TIMM17A: variants seen among roughly 807,000 people sequenced by gnomAD.
TIMM17A encodes the protein translocase of inner mitochondrial membrane 17A.
In TIMM17A, 15 loss-of-function variants were observed where a neutral mutation model predicts 26.5. That is an observed-to-expected ratio of 0.57 (90% CI 0.38 to 0.87). The LOEUF (loss-of-function observed/expected upper bound fraction) is 0.87. Among genes scored for constraint, TIMM17A ranks in the 40% least tolerant of loss-of-function variants. The probability of loss-of-function intolerance (pLI) is 0.00; values close to 1 mark genes in which losing one functional copy is unlikely to be tolerated. For synonymous variants in TIMM17A, 80 were observed against 70.8 expected, an observed-to-expected ratio of 1.13 and a Z score of -0.66; for missense variants, 201 against 210.0, an observed-to-expected ratio of 0.96 and a Z score of 0.27.
At chr1:201,966,991 T>TG (rs1491350132) in intron 5 of TIMM17A, among the ~76,000 whole-genome samples, 80 of 133,100 alleles carry the variant, frequency 6.0e-4, no homozygotes, top group Middle Eastern at 3.8e-3. Context: ...ATTATATATG[T>TG]TGTGTGTGTG....
rs549171710 is a variant in TIMM17A, at chr1:201,965,941, T to C, written c.430+398T>C. Among the ~76,000 whole-genome samples, 61 of 152,348 alleles carry C rather than the reference T, an allele frequency of 4.0e-4. 1 individual carries two copies. In the South Asian group the frequency reaches 0.012, roughly 30 times the overall value. On this transcript the variant is annotated intron_variant, in intron 5 of 5. Transcript: ENST00000367287. ...CAGTTCCTGCCCTCAAGGACTTACA[T>C]TCTGGTAGGGGGAGACAGACTAACA...
In TIMM17A at chr1:201,957,370, A is replaced by G. The variant is rs768658477; in HGVS notation, c.116A>G (p.Asn39Ser). Reference protein sequence around the residue: ...GIFQAIKGFRNSPVGVNHRLR... With the variant: ...GIFQAIKGFRSSPVGVNHRLR... ...TTTCAAGCAATCAAAGGTTTTCGCA[A>G]TTCTCCAGTGGTAAGTGGGTGAATG... The change falls in exon 2 of 6, where the codon AAT becomes AGT. Residue 39 changes from asparagine to serine, a missense_variant. Coordinates refer to ENST00000367287, the MANE Select transcript of TIMM17A (RefSeq NM_006335.3). 1.3e-5 allele frequency: 21 copies of G among 1,613,340 alleles called. No individual in the cohort carries two copies. Among genetic ancestry groups the G allele is most frequent in the East Asian group, 1.1e-4 (5 of 44,896 alleles).
In TIMM17A at chr1:201,955,589, C is replaced by T. The variant is rs115324519; in HGVS notation, c.26+37C>T. On this transcript the variant is annotated intron_variant, in intron 1 of 5. Coordinates refer to ENST00000367287, the MANE Select transcript of TIMM17A (RefSeq NM_006335.3). ...CGCTGTCTTTGCATTTCTCTTGCCC[C>T]CCTGCCCACTGCCCTCCTTCTCCCT... 2,664 of 1,614,102 alleles carry T rather than the reference C, an allele frequency of 1.7e-3. 50 individuals are homozygous for T. The African/African-American group carries it at 0.032, about 19-fold the overall frequency.
In TIMM17A at chr1:201,969,866, T is replaced by C. The variant is rs906769268; in HGVS notation, c.*312T>C. ...AAAAAACAGTGAAATATGATCATCA[T>C]CTCCTTGCGGACTTCTCTGCCTGGT... On this transcript the variant is annotated 3_prime_UTR_variant, in exon 6 of 6. Transcript: ENST00000367287. 1.8e-4 allele frequency: 39 copies of C among 215,684 alleles called. No individual in the cohort carries two copies. Among genetic ancestry groups the C allele is most frequent in the Non-Finnish European group, 3.3e-4 (36 of 109,050 alleles). The allele number at this position is 215,684 out of a possible 1,614,324, so 13.4% of individuals were successfully genotyped here. A position where few individuals can be genotyped will look rare whatever the true frequency, so the allele number is the denominator to read the frequency against.
At chr1:201,966,099 G>A (rs1178647625) in intron 5 of TIMM17A, among the ~76,000 whole-genome samples, 4 of 152,132 alleles carry the variant, frequency 2.6e-5, no homozygotes, top group South Asian at 2.1e-4. Flanking sequence ...GTGTTAGCCC[G>A]GCTAATTTTT....
At chr1:201,965,579 T>G in intron 5 of TIMM17A, 36 bp downstream of exon 5, 2 of 1,289,298 alleles carry the variant, frequency 1.6e-6, no homozygotes, top group Non-Finnish European at 2.3e-6. Flanking sequence ...GCTCAAACAT[T>G]TTGGAATGGT....
intron 5 of TIMM17A, among the ~76,000 whole-genome samples, chr1:201,968,839 AG>A (rs1328319691): frequency 4.6e-5 from 7 of 151,474 alleles, no homozygotes; most frequent in African/African-American, 1.7e-4. Context: ...AGTCTACTTC[AG>A]TTTTTCTTAA....
intron 5 of TIMM17A, among the ~76,000 whole-genome samples, chr1:201,966,136 T>C (rs1479618985): frequency 6.6e-6 from 1 of 152,210 alleles, no homozygotes; most frequent in Non-Finnish European, 1.5e-5. Flanking sequence ...TTGCCTGTTG[T>C]TCCTCCTATA....
chr1:201,959,527 G>A (rs1480891873), intron 3 of TIMM17A, among the ~76,000 whole-genome samples: 2 of 151,448 alleles, frequency 1.3e-5, no homozygotes, highest in Non-Finnish European at 2.9e-5. Context: ...GGTGGCACGT[G>A]CCTGTAATCC....
Position 201,970,117 on chromosome 1 carries a change from GT to G in TIMM17A, c.*566del, listed in dbSNP as rs1195247869. On this transcript the variant is annotated 3_prime_UTR_variant, in exon 6 of 6. Transcript: ENST00000367287. ...TGAAGGATATGGTAAAATGTTTATAGTTTACTTTGAAAGTAAAATATACTAT... is the reference window on the plus strand; with the variant it reads ...TGAAGGATATGGTAAAATGTTTATAGTTACTTTGAAAGTAAAATATACTAT... 6.6e-6 allele frequency: 1 copy of G among 152,226 alleles called. No individual in the cohort carries two copies. The highest frequency in any genetic ancestry group is 2.4e-5 in the African/African-American group (1 of 41,438). The allele number at this position is 152,226 out of a possible 1,614,324, so 9.4% of individuals were successfully genotyped here. A position where few individuals can be genotyped will look rare whatever the true frequency, so the allele number is the denominator to read the frequency against.
intron 3 of TIMM17A, among the ~76,000 whole-genome samples, chr1:201,959,828 A>C (rs1339760068): frequency 6.7e-6 from 1 of 148,806 alleles, no homozygotes; most frequent in African/African-American, 2.5e-5. Context: ...CTAAAAATAC[A>C]AAAAAAAACA....
At chr1:201,964,569 A>G (rs1428935521) in intron 4 of TIMM17A, among the ~76,000 whole-genome samples, 2 of 151,632 alleles carry the variant, frequency 1.3e-5, no homozygotes, top group African/African-American at 4.9e-5. Flanking sequence ...CATGGATAAT[A>G]CATAAACGAA....
intron 3 of TIMM17A, chr1:201,957,810 T>TG: frequency 6.6e-6 from 3 of 452,278 alleles, no homozygotes; most frequent in Non-Finnish European, 3.9e-6. Flanking sequence ...ATTTTTTTTT[T>TG]TTTTCCTTCT....
chr1:201,970,356 A>G lies in TIMM17A; in HGVS notation c.*802A>G, dbSNP rs1350899169. ...TATGTACTGTTTTGAATGTGTTCCA[A>G]GTCCTCTGCATAAACGATGTATTTT... On this transcript the variant is annotated 3_prime_UTR_variant, in exon 6 of 6. Coordinates refer to ENST00000367287, the MANE Select transcript of TIMM17A (RefSeq NM_006335.3). 2.6e-5 allele frequency: 4 copies of G among 152,258 alleles called. No individual in the cohort carries two copies. The highest frequency in any genetic ancestry group is 1.9e-4 in the East Asian group (1 of 5,204). The allele number at this position is 152,258 out of a possible 1,614,324, so 9.4% of individuals were successfully genotyped here.
In TIMM17A at chr1:201,955,643, C is replaced by T; in HGVS notation, c.26+91C>T. 2.5e-6 allele frequency: 4 copies of T among 1,570,180 alleles called. No individual in the cohort carries two copies. In the African/African-American group the frequency reaches 5.4e-5, roughly 21 times the overall value. On this transcript the variant is annotated intron_variant, in intron 1 of 5. Coordinates refer to ENST00000367287, the MANE Select transcript of TIMM17A (RefSeq NM_006335.3). ...CCAGGCTCCCAAGGTGCAAGCCAGA[C>T]TCAACCGCAGCCTCGTCGACTTGGG...
chr1:201,956,191 A>G (rs1682406072), intron 1 of TIMM17A, among the ~76,000 whole-genome samples: 1 of 152,210 alleles, frequency 6.6e-6, no homozygotes, highest in Non-Finnish European at 1.5e-5. Context: ...CTGAAAAGCC[A>G]TGGACAGAAA....
At chr1:201,958,871 A>G (rs1486601752) in intron 3 of TIMM17A, among the ~76,000 whole-genome samples, 1 of 151,996 alleles carries the variant, frequency 6.6e-6, no homozygotes, top group Non-Finnish European at 1.5e-5. Context: ...ATTATCTCCC[A>G]TTTTCCAGAT....
At chr1:201,961,306 G>A (rs1682523625) in intron 3 of TIMM17A, among the ~76,000 whole-genome samples, 1 of 151,592 alleles carries the variant, frequency 6.6e-6, no homozygotes, top group South Asian at 2.1e-4. Context: ...AGCTCAGGCA[G>A]TCCACCCGTC....
At chr1:201,962,203 A>T (rs1178123906) in intron 3 of TIMM17A, 1 of 152,152 alleles carries the variant, frequency 6.6e-6, no homozygotes, top group Non-Finnish European at 1.5e-5. Context: ...ATATACCTAG[A>T]CGTCATAGCT....
Sources: gnomAD v4.1 joint callset for allele counts (sites outside exome capture counted in the v4.1 genomes callset) on GRCh38, gnomAD v4.1.1 for gene constraint, MANE v1.5 for transcripts, NCBI Gene and HGNC (gene_info 2026-07-23, HGNC 2026-07-21) for gene names.